PRH1: variants seen among roughly 807,000 people sequenced by gnomAD.
PRH1 encodes the protein proline rich protein HaeIII subfamily 1, also known as salivary acidic proline-rich phosphoprotein 1/2.
PRH1 carries 7 observed loss-of-function variants against 7.9 expected under a neutral mutation model. The observed-to-expected ratio is 0.89, with a 90% CI of 0.50 to 1.67. The LOEUF (loss-of-function observed/expected upper bound fraction) is 1.67. PRH1 is among the 40% of genes most tolerant of loss of function. PRH1 has a pLI of 0.00. For synonymous variants in PRH1, 45 were observed against 80.8 expected (o/e 0.56, Z 2.38); for missense variants, 109 against 223.6 (o/e 0.49, Z 3.27).
intron 1 of PRH1, among the ~76,000 whole-genome samples, chr12:11,070,700 A>T (rs1402535367): frequency 6.6e-6 from 1 of 152,204 alleles, no homozygotes; most frequent in Non-Finnish European, 1.5e-5. Flanking sequence ...TGAAATTGCC[A>T]CCAGTAAACC....
In PRH1 at chr12:11,170,955, A is replaced by G. The variant is rs560944154; in HGVS notation, n.39+467T>C. On this transcript the variant is annotated intron_variant and non_coding_transcript_variant, in intron 1 of 1. Transcript: ENST00000541175. ...AAGGGTAAGATTCCTAACATCCCAC[A>G]TAACACAGCAGACAAACTAAAGTTT... 6.6e-5 allele frequency among the ~76,000 whole-genome samples: 10 copies of G among 152,356 alleles called. 2 individuals are homozygous for G. The South Asian group carries it at 2.1e-3, about 32-fold the overall frequency.
At chr12:11,129,837 T>C (rs1221857149) in intron 1 of PRH1, among the ~76,000 whole-genome samples, 1 of 152,298 alleles carries the variant, frequency 6.6e-6, no homozygotes, top group Non-Finnish European at 1.5e-5. Flanking sequence ...TTTTAAAACA[T>C]CCTGCCAGTT....
In PRH1 at chr12:11,035,735, T is replaced by C. The variant is rs140003644; in HGVS notation, c.-126+11285A>G. Reference sequence around the variant, plus strand: ...GATGTCAGTAGCTTTTTTTGGATAGTATCTTATCTGTTGCTGGGTCATCAC... The same window carrying C: ...GATGTCAGTAGCTTTTTTTGGATAGCATCTTATCTGTTGCTGGGTCATCAC... On this transcript the variant is annotated intron_variant, in intron 1 of 3. Coordinates refer to the PRH1 transcript ENST00000539853. Among the ~76,000 whole-genome samples, 433 of 152,258 alleles carry C rather than the reference T, an allele frequency of 2.8e-3. 8 individuals are homozygous for C. The highest frequency in any genetic ancestry group is 1.2e-3 in the East Asian group (6 of 5,184).
intron 2 of PRH1, among the ~76,000 whole-genome samples, chr12:10,945,530 C>T (rs1950472941): frequency 2.0e-5 from 3 of 152,076 alleles, no homozygotes; most frequent in Non-Finnish European, 2.9e-5. Flanking sequence ...ACAGAGATCA[C>T]ATGCTTCACT....
At position 10,938,667 on chromosome 12, in the gene PRH1, A is replaced by G. The variant is rs200583189; in HGVS notation, c.-59+34988T>C. 2.5e-6 allele frequency: 4 copies of G among 1,614,108 alleles called. No homozygotes were observed. The African/African-American group carries it at 5.3e-5, about 22-fold the overall frequency. ...ATGAAAATGAACACAGTGCTGGTTA[A>G]TACAATAAGACTGGAAAATCGTGTA... On this transcript the variant is annotated intron_variant, in intron 2 of 3. Coordinates refer to the PRH1 transcript ENST00000539853.
intron 1 of PRH1, among the ~76,000 whole-genome samples, chr12:11,072,577 C>T (rs1332694662): frequency 1.3e-5 from 2 of 152,234 alleles, no homozygotes; most frequent in Admixed American, 1.3e-4. Context: ...TGACAAAACA[C>T]TTGAAAGTTA....
intron 2 of PRH1, among the ~76,000 whole-genome samples, chr12:10,949,367 G>A (rs1039409354): frequency 2.0e-5 from 3 of 152,212 alleles, no homozygotes; most frequent in Non-Finnish European, 4.4e-5. Context: ...TCCTTCATTA[G>A]TCCAAGAGTG....
Position 11,102,677 on chromosome 12 carries a change from C to A in PRH1, n.124-55489G>T, listed in dbSNP as rs373896151. Among the ~76,000 whole-genome samples, 21 of 152,208 alleles carry A rather than the reference C, an allele frequency of 1.4e-4. No individual in the cohort carries two copies. In the East Asian group the frequency reaches 1.5e-3, roughly 11 times the overall value. ...ACACCAAAAGCAATGGCAACAAAAGCCAAAATTGACAAATGGGATCTAATT... is the reference window on the plus strand; with the variant it reads ...ACACCAAAAGCAATGGCAACAAAAGACAAAATTGACAAATGGGATCTAATT... On this transcript the variant is annotated intron_variant and non_coding_transcript_variant, in intron 1 of 4. Transcript: ENST00000541977.
Position 11,140,694 on chromosome 12 carries a change from T to C in PRH1, n.40-19514A>G, listed in dbSNP as rs74062445. On this transcript the variant is annotated intron_variant and non_coding_transcript_variant, in intron 1 of 1. Transcript: ENST00000541175. ...TTGAAGTGAAAGCTGAATTCTCATA[T>C]ACTAGCATGCCAAGGAAGAGTTTTT... Among the ~76,000 whole-genome samples, 1,218 of 152,304 alleles carry C rather than the reference T, an allele frequency of 8.0e-3. 19 individuals carry two copies. The highest frequency in any genetic ancestry group is 0.027 in the African/African-American group (1,118 of 41,564).
At chr12:11,165,223 C>A (rs999489311) in intron 1 of PRH1, among the ~76,000 whole-genome samples, 4 of 152,122 alleles carry the variant, frequency 2.6e-5, no homozygotes, top group Admixed American at 2.6e-4. Context: ...TGCATCTCCA[C>A]CAGTAATGTA....
At chr12:10,918,291 T>C (rs1950000268) in intron 2 of PRH1, among the ~76,000 whole-genome samples, 1 of 152,040 alleles carries the variant, frequency 6.6e-6, no homozygotes, top group South Asian at 2.1e-4. Context: ...AGGTGATAGG[T>C]TGATAGGTGC....
intron 1 of PRH1, among the ~76,000 whole-genome samples, chr12:11,096,910 G>A (rs1297996773): frequency 8.8e-6 from 1 of 113,240 alleles, no homozygotes; most frequent in Non-Finnish European, 2.1e-5. Context: ...CCATTCTCCT[G>A]CCCCAGCCTC....
chr12:11,052,179 CATTT>C (rs1943175746), upstream of PRH1, among the ~76,000 whole-genome samples: 1 of 152,284 alleles, frequency 6.6e-6, no homozygotes, highest in Non-Finnish European at 1.5e-5. Context: ...ATACAGTCAA[CATTT>C]ATTTAGAATT....
At chr12:11,010,207 A>T (rs1239107876) in intron 1 of PRH1, among the ~76,000 whole-genome samples, 1 of 151,968 alleles carries the variant, frequency 6.6e-6, no homozygotes, top group East Asian at 1.9e-4. Context: ...ACTAATGCAA[A>T]TTTCCCAAAA....
chr12:10,986,318 G>T, intron 1 of PRH1: 1 of 1,613,846 alleles, frequency 6.2e-7, no homozygotes, highest in East Asian at 2.2e-5. Context: ...AGCTCCATAG[G>T]GTAGTTACAG....
intron 2 of PRH1, among the ~76,000 whole-genome samples, chr12:10,955,803 T>C (rs974890386): frequency 6.6e-6 from 1 of 152,130 alleles, no homozygotes; most frequent in African/African-American, 2.4e-5. Flanking sequence ...TCAACACCTC[T>C]ATGCCCACAA....
chr12:11,167,391 T>G (rs1286965578), intron 1 of PRH1, among the ~76,000 whole-genome samples: 1 of 136,352 alleles, frequency 7.3e-6, no homozygotes, highest in Admixed American at 7.9e-5. Flanking sequence ...AGAACTCTTC[T>G]GGAGTTCTGC....
intron 1 of PRH1, among the ~76,000 whole-genome samples, chr12:10,981,259 A>G (rs1939336757): frequency 1.3e-5 from 2 of 152,114 alleles, no homozygotes; most frequent in African/African-American, 4.8e-5. Context: ...ACACACGTCC[A>G]TATTATCTGA....
In PRH1 at chr12:10,999,959, ATCAT is replaced by A. The variant is rs146944973; in HGVS notation, c.-125-26242_-125-26239del. 1.5e-3 allele frequency among the ~76,000 whole-genome samples: 222 copies of A among 152,212 alleles called. 8 individuals are homozygous for A. In the East Asian group the frequency reaches 0.039, roughly 27 times the overall value. ...GTATGGATTTACTGTAATCTTTCAT[ATCAT>A]TCAATCATCCTTAGTTAATATATAT... On this transcript the variant is annotated intron_variant, in intron 1 of 3. Coordinates refer to the PRH1 transcript ENST00000539853.
Sources: gnomAD v4.1 joint callset for allele counts (sites outside exome capture counted in the v4.1 genomes callset) on GRCh38, gnomAD v4.1.1 for gene constraint, MANE v1.5 for transcripts, NCBI Gene and HGNC (gene_info 2026-07-23, HGNC 2026-07-21) for gene names.